Variants in NONO observed in about 807,000 individuals in gnomAD.
NONO encodes non-POU domain-containing octamer-binding protein.
A neutral mutation model predicts 40.2 loss-of-function variants in NONO; 6 were observed. The observed-to-expected ratio is 0.15, with a 90% CI of 0.08 to 0.29. The LOEUF (loss-of-function observed/expected upper bound fraction) is 0.29, where lower values mean the gene tolerates loss of function less well. Among genes scored for constraint, NONO ranks in the 10% least tolerant of loss-of-function variants. The pLI is 1.00. For synonymous variants in NONO, 89 were observed against 123.3 expected (o/e 0.72, Z 1.85); for missense variants, 133 against 397.8 (o/e 0.33, Z 5.66).
chrX:71,294,187 T>C (rs778245957), intron 4 of NONO, 40 bp from the exon 5 acceptor site: 45 of 1,184,235 alleles, frequency 3.8e-5, no homozygotes, highest in Non-Finnish European at 5.1e-5. Flanking sequence ...AAGGTGTTCT[T>C]TGTCAAACTG....
intron 2 of NONO, among the ~76,000 whole-genome samples, chrX:71,285,800 C>G (rs1017823965): frequency 9.0e-6 from 1 of 111,655 alleles, no homozygotes; most frequent in East Asian, 2.8e-4. Context: ...AAAGATTTAG[C>G]TATGAGCATT....
intron 2 of NONO, among the ~76,000 whole-genome samples, chrX:71,286,843 T>G: frequency 8.9e-6 from 1 of 112,071 alleles, no homozygotes; most frequent in Non-Finnish European, 1.9e-5. Flanking sequence ...GGAGTAGAAT[T>G]TCCAAATTAA....
intron 8 of NONO, 44 bp downstream of exon 8, chrX:71,297,505 A>C (rs1328118298): frequency 2.1e-6 from 2 of 935,770 alleles, no homozygotes; most frequent in Non-Finnish European, 3.0e-6. Context: ...TCTAAAAGGT[A>C]ATGTCTCACT....
rs770463666 is a variant in NONO, at chrX:71,290,828, C to T, written c.154+37C>T. ...CTAGGTGATGGAGTAGAAATGGATTCCCTCTGGGAATGGTTTCTTGGTTTT... is the reference window on the plus strand; with the variant it reads ...CTAGGTGATGGAGTAGAAATGGATTTCCTCTGGGAATGGTTTCTTGGTTTT... On this transcript the variant is annotated intron_variant, in intron 3 of 11. Coordinates refer to ENST00000276079, the MANE Select transcript of NONO (RefSeq NM_007363.5). 6 of 1,094,674 alleles carry T rather than the reference C, an allele frequency of 5.5e-6. No homozygotes were observed. In the South Asian group the frequency reaches 1.4e-4, roughly 26 times the overall value. The allele number at this position is 1,094,674 out of a possible 1,213,427, so 90.2% of individuals were successfully genotyped here. A position where few individuals can be genotyped will look rare whatever the true frequency, so the allele number is the denominator to read the frequency against.
intron 2 of NONO, among the ~76,000 whole-genome samples, chrX:71,289,249 C>T (rs1183917642): frequency 1.8e-5 from 2 of 110,976 alleles, no homozygotes; most frequent in Non-Finnish European, 3.8e-5. Context: ...GCTGATGCCT[C>T]GTTGTTTTTA....
chrX:71,296,836 G>A lies in NONO; in HGVS notation c.747-15G>A. ...ATTCTGGACAAAGTTAGTAACCTAG[G>A]AACCTTGCCTATAGGGAACGAGAGC... On this transcript the variant is annotated splice_polypyrimidine_tract_variant and intron_variant, in intron 6 of 11. Coordinates refer to ENST00000276079, the MANE Select transcript of NONO (RefSeq NM_007363.5). 1 of 1,197,420 alleles carries A rather than the reference G, an allele frequency of 8.4e-7. No homozygotes were observed. The highest frequency in any genetic ancestry group is 1.1e-6 in the Non-Finnish European group (1 of 887,767).
intron 4 of NONO, chrX:71,292,837 A>G (rs1378391083): frequency 8.9e-6 from 1 of 112,435 alleles, no homozygotes; most frequent in Non-Finnish European, 1.9e-5. Flanking sequence ...TCTGTAGTCT[A>G]ACTACTCAAC....
At chrX:71,295,504 GGT>G (rs1569240346) in intron 5 of NONO, among the ~76,000 whole-genome samples, 24 of 110,439 alleles carry the variant, frequency 2.2e-4, no homozygotes, top group Non-Finnish European at 4.2e-4. Context: ...AAAGACTTTT[GGT>G]ATTAGCCTGG....
chrX:71,284,118 C>A (rs2031136998), intron 1 of NONO: 1 of 111,588 alleles, frequency 9.0e-6, no homozygotes, highest in Non-Finnish European at 1.9e-5. Flanking sequence ...CCCGCGAGGC[C>A]ATTAATTCAG....
chrX:71,297,772 C>T (rs1178676632), intron 8 of NONO, 64 bp from the exon 9 acceptor site: 1 of 852,966 alleles, frequency 1.2e-6, no homozygotes, highest in African/African-American at 2.0e-5. Flanking sequence ...TTGGTTGAGT[C>T]TCCTGTTAAT....
chrX:71,285,171 C>T (rs1438628080), intron 2 of NONO: 2 of 112,167 alleles, frequency 1.8e-5, no homozygotes, highest in Non-Finnish European at 3.8e-5. Flanking sequence ...CCATCCTGGG[C>T]CTCTCCGGGG....
intron 11 of NONO, 86 bp downstream of exon 11, chrX:71,298,902 C>T: frequency 1.4e-6 from 1 of 699,816 alleles, no homozygotes. Context: ...TGGGGGCCTA[C>T]CTCAGTTTGC....
intron 11 of NONO, among the ~76,000 whole-genome samples, 193 bp downstream of exon 11, chrX:71,299,009 C>T (rs761469792): frequency 1.8e-5 from 2 of 111,480 alleles, no homozygotes; most frequent in Admixed American, 9.5e-5. Flanking sequence ...GCAACCTCCA[C>T]CTCCCGGGTT....
intron 5 of NONO, 101 bp from the exon 6 acceptor site, chrX:71,296,464 A>T: frequency 1.7e-6 from 1 of 595,928 alleles, no homozygotes. Context: ...AGAAGCCTCC[A>T]ATCCTGAGCC....
chrX:71,296,445 A>G, intron 5 of NONO, 120 bp from the exon 6 acceptor site: 1 of 512,484 alleles, frequency 2.0e-6, no homozygotes, highest in Non-Finnish European at 3.1e-6. Flanking sequence ...CATTAGGTAT[A>G]AAAACTTCAG....
chrX:71,294,586 G>A (rs1364116016), intron 5 of NONO, 58 bp downstream of exon 5: 1 of 1,075,026 alleles, frequency 9.3e-7, no homozygotes, highest in Non-Finnish European at 1.3e-6. Flanking sequence ...TCCATGGTCT[G>A]GAGAGTTAGC....
intron 2 of NONO, among the ~76,000 whole-genome samples, chrX:71,285,580 A>G (rs1214760224): frequency 2.7e-5 from 3 of 112,032 alleles, no homozygotes; most frequent in African/African-American, 9.7e-5. Flanking sequence ...ACAACCACCT[A>G]AATGTCTTAT....
chrX:71,297,487 C>T, intron 8 of NONO, 26 bp downstream of exon 8: 2 of 1,053,398 alleles, frequency 1.9e-6, no homozygotes, highest in Non-Finnish European at 2.6e-6. Flanking sequence ...CACTTTTTCC[C>T]TAACAACTCT....
intron 3 of NONO, 63 bp from the exon 4 acceptor site, chrX:71,291,716 T>A: frequency 5.7e-6 from 5 of 877,992 alleles, no homozygotes; most frequent in Non-Finnish European, 6.3e-6. Flanking sequence ...GTTATAGGTC[T>A]TTGAGGATAC....
Sources: allele counts gnomAD v4.1 joint callset (sites outside exome capture counted in the v4.1 genomes callset), GRCh38; gene constraint gnomAD v4.1.1; transcripts MANE v1.5; gene names NCBI Gene and HGNC (gene_info 2026-07-23, HGNC 2026-07-21).